Variants in MYO18B observed in about 807,000 individuals in gnomAD.
MYO18B encodes the protein unconventional myosin-XVIIIb.
MYO18B carries 204 observed loss-of-function variants against 273.0 expected under a neutral mutation model. That is an observed-to-expected ratio of 0.75 (90% CI 0.67 to 0.84). The LOEUF (loss-of-function observed/expected upper bound fraction) is 0.84, where lower values mean the gene tolerates loss of function less well. Among genes scored for constraint, MYO18B ranks in the 40% least tolerant of loss-of-function variants. The pLI, the probability that MYO18B is intolerant of heterozygous loss-of-function variation, is 0.00. For missense variants in MYO18B, 3,212 were observed against 3,287.6 expected, an observed-to-expected ratio of 0.98 and a Z score of 0.56; for synonymous variants, 1,330 against 1,305.7, an observed-to-expected ratio of 1.02 and a Z score of -0.40.
intron 21 of MYO18B, among the ~76,000 whole-genome samples, chr22:25,862,371 A>C (rs1011968560): frequency 2.6e-5 from 4 of 152,176 alleles, no homozygotes; most frequent in Non-Finnish European, 5.9e-5. Flanking sequence ...AAAGGAAAAA[A>C]ATGAAGATTT....
the MYO18B span, among the ~76,000 whole-genome samples, chr22:26,036,464 T>A: frequency 6.6e-6 from 1 of 152,276 alleles, no homozygotes; most frequent in East Asian, 1.9e-4. Flanking sequence ...GTGTTCTATA[T>A]GTGCAAGGAG....
At chr22:25,937,603 G>A (rs1019256275) in intron 34 of MYO18B, among the ~76,000 whole-genome samples, 1 of 97,330 alleles carries the variant, frequency 1.0e-5, no homozygotes, top group African/African-American at 4.0e-5. Flanking sequence ...TTTTTTTTTT[G>A]AGATGGAGTT....
chr22:25,879,423 CATT>C (rs1299337648), intron 25 of MYO18B, among the ~76,000 whole-genome samples: 6 of 152,140 alleles, frequency 3.9e-5, no homozygotes, highest in Non-Finnish European at 8.8e-5. Context: ...CTTATGGTGT[CATT>C]ATATTTATGG....
At chr22:25,980,420 C>T (rs2093137131) in intron 39 of MYO18B, among the ~76,000 whole-genome samples, 1 of 152,194 alleles carries the variant, frequency 6.6e-6, no homozygotes, top group South Asian at 2.1e-4. Context: ...GCAAGCCCTT[C>T]TGCCTGAAGA....
intron 21 of MYO18B, among the ~76,000 whole-genome samples, chr22:25,857,498 C>T (rs868499404): frequency 3.3e-5 from 5 of 152,118 alleles, no homozygotes; most frequent in African/African-American, 1.2e-4. Flanking sequence ...TCTTTATCTG[C>T]TGGGAAGAAA....
chr22:25,847,567 T>C lies in MYO18B; in HGVS notation c.3690T>C (p.Gly1230=), dbSNP rs1226921360. 2 of 1,568,026 alleles carry C rather than the reference T, an allele frequency of 1.3e-6. No individual in the cohort carries two copies. Among genetic ancestry groups the C allele is most frequent in the Non-Finnish European group, 1.7e-6 (2 of 1,156,422 alleles). ...PQPGRDKPGA[G]GPLALDIPAL... is the part of the protein sequence containing the mutation. The stretch of plus-strand genomic sequence containing the variant: ...CTGGTAGAGACAAGCCTGGGGCAGG[T>C]GGACCTCTGGCCCTGGATATCCCAG... Residue 1230 remains glycine (G), a synonymous_variant, in exon 20 of 44, where the codon GGT becomes GGC. Transcript: ENST00000335473.
chr22:26,052,873 G>C, the MYO18B span, among the ~76,000 whole-genome samples: 61 of 151,366 alleles, frequency 4.0e-4, no homozygotes, highest in African/African-American at 1.5e-3. Context: ...CGTGATCTCG[G>C]CTCACTGCAA....
At chr22:25,878,425 T>C (rs1008414182) in intron 25 of MYO18B, among the ~76,000 whole-genome samples, 2 of 152,190 alleles carry the variant, frequency 1.3e-5, no homozygotes, top group Non-Finnish European at 2.9e-5. Flanking sequence ...TGTATATTAC[T>C]TACTTGGAAT....
At position 25,823,205 on chromosome 22, in the gene MYO18B, A is replaced by G. The variant is rs550923663; in HGVS notation, c.2522-300A>G. ...ATATGTGGGTGGGTGAATCAATCAT[A>G]ATTTTACCAACCATCCCCCAATTTC... On this transcript the variant is annotated intron_variant, in intron 12 of 43. Coordinates refer to ENST00000335473, the MANE Select transcript of MYO18B (RefSeq NM_032608.7). Among the ~76,000 whole-genome samples, 117 of 152,274 alleles carry G rather than the reference A, an allele frequency of 7.7e-4. 1 individual carries two copies. The highest frequency in any genetic ancestry group is 2.6e-3 in the African/African-American group (108 of 41,548).
intron 39 of MYO18B, chr22:25,983,360 C>T (rs555472719): frequency 1.3e-5 from 2 of 152,088 alleles, no homozygotes; most frequent in South Asian, 2.1e-4. Context: ...CAGGGTGAAA[C>T]TCTGTCTCTA....
chr22:25,768,584 A>C lies in MYO18B; in HGVS notation c.668A>C (p.Asp223Ala). 6.5e-7 allele frequency: 1 copy of C among 1,530,546 alleles called. No homozygotes were observed. Among genetic ancestry groups the C allele is most frequent in the South Asian group, 1.3e-5 (1 of 75,302 alleles). The allele number at this position is 1,530,546 out of a possible 1,614,324, so 94.8% of individuals were successfully genotyped here. ...AEKTRTGGLG[D>A]PGQGTVALKK... is the part of the protein sequence containing the mutation. ...AAGACCCGGACTGGGGGTCTTGGGG[A>C]CCCAGGCCAAGGAACTGTGGCACTG... The change falls in exon 4 of 44, where the codon GAC becomes GCC. Residue 223 changes from aspartate to alanine, a missense_variant. Coordinates refer to ENST00000335473, the MANE Select transcript of MYO18B (RefSeq NM_032608.7).
chr22:25,933,389 C>G (rs1428182497), intron 34 of MYO18B, among the ~76,000 whole-genome samples: 1 of 152,182 alleles, frequency 6.6e-6, no homozygotes, highest in African/African-American at 2.4e-5. Flanking sequence ...TCTCAAAAGC[C>G]AACTGGTGGT....
intron 21 of MYO18B, among the ~76,000 whole-genome samples, chr22:25,859,681 ACT>A (rs1230682978): frequency 4.1e-5 from 6 of 147,224 alleles, no homozygotes; most frequent in Admixed American, 1.3e-4. Context: ...TTTTTGTGAA[ACT>A]CTATTTTTTT....
chr22:25,929,889 A>G (rs1190160542), intron 34 of MYO18B, among the ~76,000 whole-genome samples: 1 of 152,136 alleles, frequency 6.6e-6, no homozygotes, highest in Non-Finnish European at 1.5e-5. Flanking sequence ...TTAAAATTTA[A>G]ACGCAAAGTC....
intron 27 of MYO18B, among the ~76,000 whole-genome samples, chr22:25,893,270 A>T (rs1364695803): frequency 2.0e-5 from 3 of 152,234 alleles, no homozygotes; most frequent in African/African-American, 2.4e-5. Flanking sequence ...CTTTTGTGAT[A>T]TGCACTCAGC....
chr22:25,909,297 C>A (rs2092109784), intron 32 of MYO18B, among the ~76,000 whole-genome samples: 1 of 152,218 alleles, frequency 6.6e-6, no homozygotes, highest in South Asian at 2.1e-4. Flanking sequence ...TCCCCTGAAT[C>A]ATACCTATGT....
chr22:25,805,885 A>G (rs551833437), intron 12 of MYO18B, among the ~76,000 whole-genome samples: 14 of 152,154 alleles, frequency 9.2e-5, no homozygotes, highest in African/African-American at 3.4e-4. Flanking sequence ...CACTGCCCCC[A>G]CAAGCCTTCC....
At chr22:25,812,342 A>C (rs1464745290) in intron 12 of MYO18B, among the ~76,000 whole-genome samples, 2 of 152,098 alleles carry the variant, frequency 1.3e-5, no homozygotes, top group African/African-American at 2.4e-5. Context: ...TCCAATTCTG[A>C]GAGGCTTCTC....
At chr22:25,866,163 A>G (rs1157797078) in intron 21 of MYO18B, among the ~76,000 whole-genome samples, 2 of 151,012 alleles carry the variant, frequency 1.3e-5, no homozygotes, top group Non-Finnish European at 2.9e-5. Context: ...CAGCCTCATA[A>G]TACCTTTTGC....
Sources: gnomAD v4.1 joint callset for allele counts (sites outside exome capture counted in the v4.1 genomes callset) on GRCh38, gnomAD v4.1.1 for gene constraint, MANE v1.5 for transcripts, NCBI Gene and HGNC (gene_info 2026-07-23, HGNC 2026-07-21) for gene names.